The following IRX6 variants were observed in gnomAD, a reference collection of about 807,000 sequenced individuals.
IRX6 encodes the protein iroquois homeobox 6, also known as iroquois-class homeodomain protein IRX-6.
In IRX6, 46 loss-of-function variants were observed where a neutral mutation model predicts 47.7. The observed-to-expected ratio is 0.96, with a 90% confidence interval of 0.76 to 1.23. The LOEUF is 1.23. Among genes scored for constraint, IRX6 ranks in the 50% most tolerant of loss-of-function variants. IRX6 has a pLI of 0.00. For missense variants in IRX6, 722 were observed against 588.0 expected (o/e 1.23, Z -2.36); for synonymous variants, 265 against 246.2 (o/e 1.08, Z -0.72).
chr16:55,330,317 C>T lies in IRX6; in HGVS notation c.*12C>T, dbSNP rs758437166. 6 of 1,613,254 alleles carry T rather than the reference C, an allele frequency of 3.7e-6. No homozygotes were observed. Among genetic ancestry groups the T allele is most frequent in the Non-Finnish European group, 4.2e-6 (5 of 1,179,298 alleles). On this transcript the variant is annotated 3_prime_UTR_variant, in exon 6 of 6. Transcript: ENST00000290552. The stretch of plus-strand genomic sequence containing the variant: ...TCTCAGCAGGTTAGCGCAATGGCTG[C>T]GATTTGCGAAAGAATCTTGGAAATG...
chr16:55,328,973 C>A lies in IRX6; in HGVS notation c.995C>A (p.Ala332Glu). The A allele has an allele frequency of 6.2e-7, 1 of 1,613,718 alleles. No individual in the cohort carries two copies. Among genetic ancestry groups the A allele is most frequent in the African/African-American group, 1.3e-5 (1 of 75,050 alleles). Residue 332 changes from alanine to glutamate, a missense_variant, in exon 5 of 6, where the codon GCG becomes GAG. Transcript: ENST00000290552. ...SGSEEADFLSAETGSPRLTMH... is the reference protein window; with the variant it reads ...SGSEEADFLSEETGSPRLTMH... ...TCGGAAGAAGCTGACTTCCTCTCGG[C>A]GGAGACAGGCAGCCCTAGGTTGACC...
At chr16:55,326,974 A>AGGGGG (rs1299330572) in intron 2 of IRX6, 1 of 69,950 alleles carries the variant, frequency 1.4e-5, no homozygotes, top group Non-Finnish European at 2.5e-5. Context: ...GGTGGGGGGC[A>AGGGGG]GTAAGGGGGG....
Position 55,328,947 on chromosome 16 carries a change from A to G in IRX6, c.969A>G (p.Gly323=). ...APRFSFNDPS[G]SEEADFLSAE... ...GCTTCTCCTTCAATGACCCTTCCGGATCGGAAGAAGCTGACTTCCTCTCGG... is the reference window on the plus strand; with the variant it reads ...GCTTCTCCTTCAATGACCCTTCCGGGTCGGAAGAAGCTGACTTCCTCTCGG... The change falls in exon 5 of 6, where the codon GGA becomes GGG. Residue 323 remains glycine, a synonymous_variant. Coordinates refer to ENST00000290552, the MANE Select transcript of IRX6 (RefSeq NM_024335.3). 2 of 1,613,438 alleles carry G rather than the reference A, an allele frequency of 1.2e-6. No homozygotes were observed. The highest frequency in any genetic ancestry group is 2.2e-5 in the South Asian group (2 of 91,058).
In IRX6 at chr16:55,327,634, C is replaced by A; in HGVS notation, c.462C>A (p.Thr154=). 1 of 1,611,526 alleles carries A rather than the reference C, an allele frequency of 6.2e-7. No individual in the cohort carries two copies. Among genetic ancestry groups the A allele is most frequent in the Non-Finnish European group, 8.5e-7 (1 of 1,179,500 alleles). ...LSGAGRRKNA[T]RETTSTLKAW... ...GCGCCGGTCGCCGAAAGAACGCGAC[C>A]CGGGAGACCACCAGTACACTCAAGG... The change falls in exon 4 of 6, where the codon ACC becomes ACA. Residue 154 remains threonine (T), a synonymous_variant. Transcript: ENST00000290552.
rs904674964 is a variant in IRX6, at chr16:55,329,026, C to T, written c.1048C>T (p.Arg350Cys). 1.9e-6 allele frequency: 3 copies of T among 1,613,896 alleles called. No homozygotes were observed. Among genetic ancestry groups the T allele is most frequent in the Non-Finnish European group, 1.7e-6 (2 of 1,180,022 alleles). Residue 350 changes from arginine to cysteine, a missense_variant, in exon 5 of 6, where the codon CGC becomes TGC. Arg to Cys is a radical substitution (Grantham distance 180, BLOSUM62 -3). Coordinates refer to ENST00000290552, the MANE Select transcript of IRX6 (RefSeq NM_024335.3). ...TMHYPCLEKP[R>C]IWSLAHTATA... is the part of the protein sequence containing the mutation. ...GCACTACCCATGCTTGGAGAAACCG[C>T]GCATCTGGTCTCTGGCGCACACCGC...
At position 55,326,467 on chromosome 16, in the gene IRX6, T is replaced by A. The variant is rs774195681; in HGVS notation, c.177T>A (p.Ser59Arg). The change falls in exon 2 of 6, where the codon AGT (serine) becomes AGA (arginine). Residue 59 changes from serine (S) to arginine (R), a missense_variant. Transcript: ENST00000290552. ...CCTACGATAGTCGACTGCTGGGCAG[T>A]GCGCGACCGGAGCTGGGCGCCGCCT... The part of the protein sequence containing the change: ...CAPYDSRLLG[S>R]ARPELGAALG... 4.6e-5 allele frequency: 74 copies of A among 1,613,528 alleles called. No individual in the cohort carries two copies. The highest frequency in any genetic ancestry group is 6.7e-5 in the Admixed American group (4 of 59,964).
chr16:55,327,949 T>C (rs753831426), intron 4 of IRX6, 56 bp downstream of exon 4: 13 of 1,528,110 alleles, frequency 8.5e-6, no homozygotes, highest in Non-Finnish European at 1.1e-5. Context: ...TCAAGCAGTT[T>C]GGTCTTTCAA....
intron 1 of IRX6, among the ~76,000 whole-genome samples, chr16:55,325,565 GAA>G (rs1491150808): frequency 2.8e-5 from 3 of 107,550 alleles, no homozygotes; most frequent in Non-Finnish European, 5.9e-5. Flanking sequence ...GAGAGAGAAA[GAA>G]AGAGAAAGAA....
At chr16:55,326,231 T>G in intron 1 of IRX6, 105 bp from the exon 2 acceptor site, 7 of 996,408 alleles carry the variant, frequency 7.0e-6, no homozygotes, top group Non-Finnish European at 1.0e-5. Context: ...AGCAATCTGA[T>G]TATCTGATTT....
intron 2 of IRX6, chr16:55,326,794 G>A (rs1364297050): frequency 5.9e-6 from 3 of 506,944 alleles, no homozygotes; most frequent in Non-Finnish European, 1.0e-5. Flanking sequence ...ATTCTGTGAG[G>A]TAGGCAAGTA....
chr16:55,328,945 G>A lies in IRX6; in HGVS notation c.967G>A (p.Gly323Arg). Reference protein sequence around the residue: ...APRFSFNDPSGSEEADFLSAE... With the variant: ...APRFSFNDPSRSEEADFLSAE... ...CCGCTTCTCCTTCAATGACCCTTCC[G>A]GATCGGAAGAAGCTGACTTCCTCTC... Residue 323 changes from glycine (G) to arginine (R), a missense_variant, in exon 5 of 6, where the codon GGA becomes AGA. Coordinates refer to ENST00000290552, the MANE Select transcript of IRX6 (RefSeq NM_024335.3). 1.2e-6 allele frequency: 2 copies of A among 1,613,530 alleles called. No individual in the cohort carries two copies. Among genetic ancestry groups the A allele is most frequent in the Non-Finnish European group, 1.7e-6 (2 of 1,180,032 alleles).
At chr16:55,326,102 A>C (rs1265161894) in intron 1 of IRX6, 3 of 524,430 alleles carry the variant, frequency 5.7e-6, no homozygotes, top group Non-Finnish European at 1.0e-5. Context: ...GGCCTTAGCA[A>C]TGGAGTAGGA....
chr16:55,330,101 T>G (rs1220493170), intron 5 of IRX6, among the ~76,000 whole-genome samples, 197 bp from the exon 6 acceptor site: 1 of 152,236 alleles, frequency 6.6e-6, no homozygotes, highest in African/African-American at 2.4e-5. Flanking sequence ...GTAATTTCTC[T>G]CAGGATTAGC....
In IRX6 at chr16:55,330,293, C is replaced by T; in HGVS notation, c.1334-5C>T. On this transcript the variant is annotated splice_polypyrimidine_tract_variant and splice_region_variant and intron_variant, in intron 5 of 5. Transcript: ENST00000290552. The stretch of plus-strand genomic sequence containing the variant: ...TTGGGTTTTAATCAACCTTTCCTCT[C>T]TCAGCAGGTTAGCGCAATGGCTGCG... 6.2e-7 allele frequency: 1 copy of T among 1,613,764 alleles called. No homozygotes were observed. The highest frequency in any genetic ancestry group is 8.5e-7 in the Non-Finnish European group (1 of 1,179,646).
In IRX6 at chr16:55,325,569, G is replaced by A. The variant is rs1360004804; in HGVS notation, c.45+433G>A. Among the ~76,000 whole-genome samples, 12 of 115,536 alleles carry A rather than the reference G, an allele frequency of 1.0e-4. 2 individuals are homozygous for A. Among genetic ancestry groups the A allele is most frequent in the African/African-American group, 3.6e-4 (11 of 30,858 alleles). The allele number at this position is 115,536 out of a possible 152,430, so 75.8% of individuals were successfully genotyped here. ...AGAGAGAGAGAGAGAGAGAAAGAAA[G>A]AGAAAGAAAGAAAGAAGGAAAGAAA... On this transcript the variant is annotated intron_variant, in intron 1 of 5. Coordinates refer to ENST00000290552, the MANE Select transcript of IRX6 (RefSeq NM_024335.3).
chr16:55,325,527 G>GA (rs1960498325), intron 1 of IRX6, among the ~76,000 whole-genome samples: 1 of 34,452 alleles, frequency 2.9e-5, no homozygotes, highest in African/African-American at 1.7e-4. Flanking sequence ...AGGAAGGAAG[G>GA]AAGGAGAGAG....
chr16:55,327,414 T>A lies in IRX6; in HGVS notation c.413+9T>A, dbSNP rs1273826748. On this transcript the variant is annotated intron_variant, in intron 3 of 5. Transcript: ENST00000290552. ...CAGTACCAATATGAACGGTAAGGAG[T>A]GAAGGGCCTTGGTGACTGGCACTGT... The A allele has an allele frequency of 1.2e-6, 2 of 1,602,246 alleles. No homozygotes were observed. Among genetic ancestry groups the A allele is most frequent in the South Asian group, 2.2e-5 (2 of 90,770 alleles).
In IRX6 at chr16:55,324,786, C is replaced by T; in HGVS notation, c.-306C>T. 1 of 476,432 alleles carries T rather than the reference C, an allele frequency of 2.1e-6. No homozygotes were observed. The highest frequency in any genetic ancestry group is 3.8e-6 in the Non-Finnish European group (1 of 262,750). 29.5% of individuals were successfully genotyped at this position (476,432 alleles called of 1,614,324 possible). On this transcript the variant is annotated 5_prime_UTR_variant, in exon 1 of 6. Transcript: ENST00000290552. The surrounding 1 kb of genome is among the most constrained non-coding windows in gnomAD (Gnocchi z 4.4). ...CCTCCGGAGCCTCACAGCCCCGCGC[C>T]GCGCCGCGCCTCACCTCGCCACCAC...
At chr16:55,328,631 G>A (rs1567340025) in intron 4 of IRX6, 69 bp from the exon 5 acceptor site, 4 of 1,526,094 alleles carry the variant, frequency 2.6e-6, no homozygotes, top group Middle Eastern at 1.8e-4. Flanking sequence ...AAAGCTTCTC[G>A]GGGATGGACA....
Sources: gnomAD v4.1 joint callset for allele counts (sites outside exome capture counted in the v4.1 genomes callset) on GRCh38, gnomAD v4.1.1 for gene constraint, Gnocchi (gnomAD v3.1) non-coding constraint, MANE v1.5 for transcripts, NCBI Gene and HGNC (gene_info 2026-07-23, HGNC 2026-07-21) for gene names.